RNF150: variants seen among roughly 807,000 people sequenced by gnomAD.
RNF150 encodes ring finger protein 150.
RNF150 carries 24 observed loss-of-function variants against 39.3 expected under a neutral mutation model. The observed-to-expected ratio is 0.61, with a 90% CI of 0.44 to 0.86. The LOEUF is 0.86. RNF150 is among the 40% of genes least tolerant of loss of function. RNF150 has a pLI of 0.00. For missense variants in RNF150, 502 were observed against 587.8 expected (o/e 0.85, Z 1.51); for synonymous variants, 255 against 227.3 (o/e 1.12, Z -1.10).
In RNF150 at chr4:140,962,376, A is replaced by G. The variant is rs914325671; in HGVS notation, c.735+5247T>C. Among the ~76,000 whole-genome samples the G allele has an allele frequency of 4.0e-5, 6 of 151,840 alleles. No homozygotes were observed. In the South Asian group the frequency reaches 1.2e-3, roughly 31 times the overall value. ...ATGGCAGTGCATATGTGCATATATAAGACATATATATATACACACACATAT... is the reference window on the plus strand; with the variant it reads ...ATGGCAGTGCATATGTGCATATATAGGACATATATATATACACACACATAT... On this transcript the variant is annotated intron_variant, in intron 2 of 6. Coordinates refer to ENST00000515673, the MANE Select transcript of RNF150 (RefSeq NM_020724.2).
chr4:140,867,120 A>T lies in RNF150; in HGVS notation c.*1141T>A, dbSNP rs535807992. ...TGGACACACTCAGGGAGCCCTGGGA[A>T]GCAATCTGCTAGGGATTCACCTAAA... On this transcript the variant is annotated 3_prime_UTR_variant, in exon 7 of 7. Transcript: ENST00000515673. 6.6e-6 allele frequency: 1 copy of T among 152,306 alleles called. No homozygotes were observed. The highest frequency in any genetic ancestry group is 2.1e-4 in the South Asian group (1 of 4,814). 9.4% of individuals were successfully genotyped at this position (152,306 alleles called of 1,614,324 possible).
At chr4:141,141,980 A>G (rs1415982238) in intron 1 of RNF150, among the ~76,000 whole-genome samples, 1 of 152,132 alleles carries the variant, frequency 6.6e-6, no homozygotes, top group Non-Finnish European at 1.5e-5. Flanking sequence ...AGATGGCACC[A>G]CTGAGCTGAT....
At position 140,867,735 on chromosome 4, in the gene RNF150, C is replaced by G. The variant is rs1728767656; in HGVS notation, c.*526G>C. On this transcript the variant is annotated 3_prime_UTR_variant, in exon 7 of 7. Transcript: ENST00000515673. ...CCATGCACACTTCATGCTGGGAGGT[C>G]AAGACCACATATCTCAGAGATGGAA... The G allele has an allele frequency of 6.6e-6, 1 of 152,448 alleles. No individual in the cohort carries two copies. Among genetic ancestry groups the G allele is most frequent in the Admixed American group, 6.5e-5 (1 of 15,288 alleles). The allele number at this position is 152,448 out of a possible 1,614,324, so 9.4% of individuals were successfully genotyped here.
chr4:140,971,371 A>T (rs1443502866), intron 1 of RNF150, among the ~76,000 whole-genome samples: 1 of 152,106 alleles, frequency 6.6e-6, no homozygotes, highest in Non-Finnish European at 1.5e-5. Context: ...TGACATTCCA[A>T]GGCTCAGGGA....
chr4:141,071,231 G>A (rs1238563222), intron 1 of RNF150, among the ~76,000 whole-genome samples: 2 of 126,590 alleles, frequency 1.6e-5, no homozygotes, highest in Non-Finnish European at 3.2e-5. Flanking sequence ...GGGGACTGTG[G>A]TGGGGTGGGG....
At chr4:140,972,844 A>C (rs1437716229) in intron 1 of RNF150, among the ~76,000 whole-genome samples, 1 of 152,162 alleles carries the variant, frequency 6.6e-6, no homozygotes, top group Non-Finnish European at 1.5e-5. Flanking sequence ...ATGTGATAAT[A>C]AGTATCATTA....
intron 1 of RNF150, among the ~76,000 whole-genome samples, chr4:141,060,477 A>G (rs1737172030): frequency 6.6e-6 from 1 of 152,230 alleles, no homozygotes; most frequent in South Asian, 2.1e-4. Context: ...ATAAAAGAAA[A>G]TTTATTTTGG....
At chr4:141,036,341 C>T (rs1736146607) in intron 1 of RNF150, among the ~76,000 whole-genome samples, 2 of 152,138 alleles carry the variant, frequency 1.3e-5, no homozygotes, top group Non-Finnish European at 2.9e-5. Context: ...ATCACAATTC[C>T]CCTCCAATGC....
chr4:140,990,912 C>A, intron 1 of RNF150, among the ~76,000 whole-genome samples: 1 of 152,140 alleles, frequency 6.6e-6, no homozygotes, highest in African/African-American at 2.4e-5. Flanking sequence ...AATCACCACA[C>A]CGTCTTTCAC....
At chr4:140,906,433 A>G (rs1212261543) in intron 6 of RNF150, among the ~76,000 whole-genome samples, 2 of 152,200 alleles carry the variant, frequency 1.3e-5, no homozygotes, top group Admixed American at 6.5e-5. Flanking sequence ...AGGATATGCA[A>G]ATATTACACC....
At chr4:141,007,903 T>C (rs1734933220) in intron 1 of RNF150, among the ~76,000 whole-genome samples, 3 of 152,148 alleles carry the variant, frequency 2.0e-5, no homozygotes, top group South Asian at 4.2e-4. Context: ...TTTTTGTGAG[T>C]GTAAGTACAT....
chr4:141,102,987 C>T (rs1196817689), intron 1 of RNF150, among the ~76,000 whole-genome samples: 1 of 152,130 alleles, frequency 6.6e-6, no homozygotes, highest in Admixed American at 6.6e-5. Context: ...TCATGCACTT[C>T]CATCTGTCAG....
intron 1 of RNF150, among the ~76,000 whole-genome samples, chr4:141,189,535 TGA>T (rs1728069378): frequency 6.6e-6 from 1 of 152,160 alleles, no homozygotes; most frequent in African/African-American, 2.4e-5. Flanking sequence ...CCCAGGGAGA[TGA>T]GAGTTTTATC....
chr4:141,160,051 C>G (rs901083536), intron 1 of RNF150, among the ~76,000 whole-genome samples: 1 of 152,144 alleles, frequency 6.6e-6, no homozygotes, highest in African/African-American at 2.4e-5. Context: ...GTGGGGTCAC[C>G]TGGCACCTGG....
intron 1 of RNF150, among the ~76,000 whole-genome samples, chr4:141,096,660 CTTTAATA>C (rs1738796784): frequency 6.6e-6 from 1 of 152,132 alleles, no homozygotes; most frequent in Non-Finnish European, 1.5e-5. Flanking sequence ...CCTAATGATA[CTTTAATA>C]TTTATTCACT....
At chr4:141,140,073 G>A (rs1376161270) in intron 1 of RNF150, among the ~76,000 whole-genome samples, 2 of 152,116 alleles carry the variant, frequency 1.3e-5, no homozygotes, top group African/African-American at 2.4e-5. Flanking sequence ...CTTGCTGTAC[G>A]GGCAAGGTAT....
chr4:141,157,467 C>T (rs1578771864), intron 1 of RNF150, among the ~76,000 whole-genome samples: 1 of 152,202 alleles, frequency 6.6e-6, no homozygotes, highest in East Asian at 1.9e-4. Context: ...AGGGCTCTGT[C>T]AGTAAGGGAG....
upstream of RNF150, chr4:141,133,472 T>TTGTGTG (rs747971541): frequency 5.4e-3 from 835 of 153,626 alleles, 36 homozygotes; most frequent in East Asian, 0.12. Flanking sequence ...GTCTGTATGT[T>TTGTGTG]TGTGTGTGTG....
intron 1 of RNF150, among the ~76,000 whole-genome samples, chr4:141,022,187 T>A (rs1251437305): frequency 6.6e-6 from 1 of 152,126 alleles, no homozygotes; most frequent in African/African-American, 2.4e-5. Flanking sequence ...GTGAACCAAG[T>A]CTTATAATCT....
Sources: gnomAD v4.1 joint callset for allele counts (sites outside exome capture counted in the v4.1 genomes callset) on GRCh38, gnomAD v4.1.1 for gene constraint, MANE v1.5 for transcripts, NCBI Gene and HGNC (gene_info 2026-07-23, HGNC 2026-07-21) for gene names.